The following TBCD variants were observed in gnomAD, a reference collection of about 807,000 sequenced individuals.
TBCD encodes tubulin-specific chaperone D.
TBCD carries 105 observed loss-of-function variants against 169.3 expected under a neutral mutation model. The ratio of observed to expected loss-of-function variants is 0.62; its 90% CI spans 0.53 to 0.73. TBCD has a LOEUF of 0.73. Ranked by LOEUF, TBCD falls within the 30% of genes least tolerant of loss-of-function variation. TBCD has a pLI of 0.00. For missense variants in TBCD, 1,444 were observed against 1,600.1 expected, an observed-to-expected ratio of 0.90 and a Z score of 1.66; for synonymous variants, 700 against 643.9, an observed-to-expected ratio of 1.09 and a Z score of -1.32.
At chr17:82,941,716 C>T (rs547761197) in intron 38 of TBCD, 21 of 526,542 alleles carry the variant, frequency 4.0e-5, no homozygotes, top group Middle Eastern at 4.9e-4. Flanking sequence ...TTTGGGGGGC[C>T]GGGGAGTGGG....
At chr17:82,830,642 G>C in intron 13 of TBCD, 1 of 1,614,040 alleles carries the variant, frequency 6.2e-7, no homozygotes, top group Non-Finnish European at 8.5e-7. Flanking sequence ...GTGTTACAGG[G>C]GTCCTTCACC....
rs750641947 is a variant in TBCD at position 82,807,672 on chromosome 17, G to A, written c.1148+4G>A. 1.1e-5 allele frequency: 16 copies of A among 1,500,724 alleles called. No homozygotes were observed. Among genetic ancestry groups the A allele is most frequent in the Middle Eastern group, 1.7e-4 (1 of 5,732 alleles). The allele number at this position is 1,500,724 out of a possible 1,614,324, so 93.0% of individuals were successfully genotyped here. A position where few individuals can be genotyped will look rare whatever the true frequency, so the allele number is the denominator to read the frequency against. Reference sequence around the variant, plus strand: ...TGCGGTGGTCTGCAGCCAAGGGGTAGGTGTCTGTGGCCGCAGAAGCACCCC... The same window carrying A: ...TGCGGTGGTCTGCAGCCAAGGGGTAAGTGTCTGTGGCCGCAGAAGCACCCC... On this transcript the variant is annotated splice_donor_region_variant and intron_variant, in intron 11 of 38. Coordinates refer to ENST00000355528, the MANE Select transcript of TBCD (RefSeq NM_005993.5).
chr17:82,881,764 C>G (rs1464925846), intron 14 of TBCD, among the ~76,000 whole-genome samples: 2 of 152,184 alleles, frequency 1.3e-5, no homozygotes, highest in Non-Finnish European at 1.5e-5. Context: ...ATTTCATTTG[C>G]CATTCTTATT....
chr17:82,878,536 T>C lies in TBCD; in HGVS notation c.1476-5609T>C, dbSNP rs1040270328. On this transcript the variant is annotated intron_variant, in intron 14 of 38. Coordinates refer to ENST00000355528, the MANE Select transcript of TBCD (RefSeq NM_005993.5). ...TCTCGTGTGTTACTGGAAAGAGTGATGTGAGGTGACCTGCCCTCCTCCGTG... is the reference window on the plus strand; with the variant it reads ...TCTCGTGTGTTACTGGAAAGAGTGACGTGAGGTGACCTGCCCTCCTCCGTG... Among the ~76,000 whole-genome samples, 12 of 105,980 alleles carry C rather than the reference T, an allele frequency of 1.1e-4. No homozygotes were observed. The East Asian group carries it at 3.1e-3, about 27-fold the overall frequency. The allele number at this position is 105,980 out of a possible 152,430, so 69.5% of individuals were successfully genotyped here.
At position 82,911,679 on chromosome 17, in the gene TBCD, G is replaced by A. The variant is rs1303422660; in HGVS notation, c.2007-79G>A. 12 of 1,400,592 alleles carry A rather than the reference G, an allele frequency of 8.6e-6. No homozygotes were observed. The South Asian group carries it at 1.3e-4, about 15-fold the overall frequency. The allele number at this position is 1,400,592 out of a possible 1,614,324, so 86.8% of individuals were successfully genotyped here. A position where few individuals can be genotyped will look rare whatever the true frequency, so the allele number is the denominator to read the frequency against. On this transcript the variant is annotated intron_variant, in intron 22 of 38. Coordinates refer to ENST00000355528, the MANE Select transcript of TBCD (RefSeq NM_005993.5). Reference sequence around the variant, plus strand: ...ATTTTAATGCTTTTTGGAGCCTGAGGTTACATTGGCAAGCATATTTCATGG... The same window carrying A: ...ATTTTAATGCTTTTTGGAGCCTGAGATTACATTGGCAAGCATATTTCATGG...
At chr17:82,804,551 G>A (rs950506563) in intron 9 of TBCD, among the ~76,000 whole-genome samples, 1 of 152,242 alleles carries the variant, frequency 6.6e-6, no homozygotes, top group East Asian at 1.9e-4. Flanking sequence ...TGGGGGGTGT[G>A]CTTCCATGCT....
At chr17:82,919,884 C>CA (rs1046897653) in intron 23 of TBCD, among the ~76,000 whole-genome samples, 1 of 151,954 alleles carries the variant, frequency 6.6e-6, no homozygotes, top group African/African-American at 2.4e-5. Context: ...TTCACGGTGA[C>CA]AAAAAATGGA....
intron 6 of TBCD, among the ~76,000 whole-genome samples, chr17:82,779,900 C>T (rs980385877): frequency 2.6e-5 from 4 of 152,214 alleles, no homozygotes; most frequent in African/African-American, 9.6e-5. Context: ...ACTCTTCCGC[C>T]TCCTGGCCCT....
At chr17:82,842,344 G>A (rs898022772) in intron 13 of TBCD, among the ~76,000 whole-genome samples, 2 of 152,268 alleles carry the variant, frequency 1.3e-5, no homozygotes, top group South Asian at 2.1e-4. Flanking sequence ...TTACCTCCTC[G>A]ATTCCAGCCT....
At chr17:82,779,841 C>T (rs915812428) in intron 6 of TBCD, among the ~76,000 whole-genome samples, 2 of 152,142 alleles carry the variant, frequency 1.3e-5, no homozygotes, top group African/African-American at 4.8e-5. Context: ...TGCCTGGGGT[C>T]TCCACGTAGC....
intron 14 of TBCD, among the ~76,000 whole-genome samples, chr17:82,878,180 A>G (rs1436521641): frequency 6.6e-6 from 1 of 152,228 alleles, no homozygotes; most frequent in African/African-American, 2.4e-5. Context: ...CCCGCATGGC[A>G]TCTGGTGGTC....
chr17:82,905,317 G>A (rs2060164865), intron 19 of TBCD, among the ~76,000 whole-genome samples: 1 of 152,244 alleles, frequency 6.6e-6, no homozygotes, highest in South Asian at 2.1e-4. Context: ...CCCCGTCTGG[G>A]GCACTTGGGA....
intron 37 of TBCD, among the ~76,000 whole-genome samples, 197 bp from the exon 38 acceptor site, chr17:82,941,202 G>A (rs907360616): frequency 4.6e-5 from 7 of 152,238 alleles, no homozygotes; most frequent in Non-Finnish European, 1.0e-4. Context: ...CTGCGATTCC[G>A]GAAAGGGCTC....
At chr17:82,856,203 C>G (rs2056268702) in intron 13 of TBCD, among the ~76,000 whole-genome samples, 1 of 151,626 alleles carries the variant, frequency 6.6e-6, no homozygotes, top group Admixed American at 6.6e-5. Context: ...CTAAACTCAC[C>G]AGCTTAAAAT....
rs540665916 is a variant in TBCD, at chr17:82,915,369, A to G, written c.2038+3580A>G. Among the ~76,000 whole-genome samples, 4 of 152,300 alleles carry G rather than the reference A, an allele frequency of 2.6e-5. No homozygotes were observed. Among genetic ancestry groups the G allele is most frequent in the African/African-American group, 9.6e-5 (4 of 41,562 alleles). On this transcript the variant is annotated intron_variant, in intron 23 of 38. Transcript: ENST00000355528. This position sits in a 1 kb window ranked among gnomAD's most constrained non-coding sequence, Gnocchi z 4.3. The stretch of plus-strand genomic sequence containing the variant: ...TGCGTCCCCATATCAAAGAAATGTC[A>G]TACAGGTTGGCCTTTGTCGTGAATA...
At chr17:82,933,027 G>A (rs2062336288) in intron 34 of TBCD, among the ~76,000 whole-genome samples, 1 of 152,226 alleles carries the variant, frequency 6.6e-6, no homozygotes. Context: ...CGGGCCAGGG[G>A]TGGGCCTCAG....
chr17:82,887,003 G>A (rs2058758832), intron 15 of TBCD, among the ~76,000 whole-genome samples: 1 of 151,804 alleles, frequency 6.6e-6, no homozygotes, highest in Non-Finnish European at 1.5e-5. Flanking sequence ...CTAATGCAGG[G>A]AGAGCCCATG....
At chr17:82,924,371 G>A (rs1025725778) in intron 26 of TBCD, among the ~76,000 whole-genome samples, 8 of 152,116 alleles carry the variant, frequency 5.3e-5, no homozygotes, top group Admixed American at 1.3e-4. Flanking sequence ...GCTTTACGCC[G>A]TGTCCCGTGC....
intron 16 of TBCD, among the ~76,000 whole-genome samples, chr17:82,891,982 C>T (rs2059172048): frequency 6.6e-6 from 1 of 152,168 alleles, no homozygotes; most frequent in Non-Finnish European, 1.5e-5. Context: ...GTCCAGGCCC[C>T]CGACACCATC....
Sources: gnomAD v4.1 joint callset for allele counts (sites outside exome capture counted in the v4.1 genomes callset) on GRCh38, gnomAD v4.1.1 for gene constraint, Gnocchi (gnomAD v3.1) non-coding constraint, MANE v1.5 for transcripts, NCBI Gene and HGNC (gene_info 2026-07-23, HGNC 2026-07-21) for gene names.